The following ZFHX3 variants were observed in gnomAD, a reference collection of about 807,000 sequenced individuals.
ZFHX3 encodes the protein zinc finger homeobox protein 3.
In ZFHX3, 42 loss-of-function variants were observed where a neutral mutation model predicts 279.1. The ratio of observed to expected loss-of-function variants is 0.15; its 90% CI spans 0.12 to 0.19. The LOEUF (loss-of-function observed/expected upper bound fraction) is 0.19, where lower values mean the gene tolerates loss of function less well. Among genes scored for constraint, ZFHX3 ranks in the 10% least tolerant of loss-of-function variants. ZFHX3 has a pLI of 1.00. For missense variants in ZFHX3, 4,981 were observed against 4,754.0 expected, an observed-to-expected ratio of 1.05 and a Z score of -1.40; for synonymous variants, 2,293 against 1,957.8, an observed-to-expected ratio of 1.17 and a Z score of -4.52.
intron 1 of ZFHX3, among the ~76,000 whole-genome samples, chr16:73,731,373 C>A (rs2053568438): frequency 6.6e-6 from 1 of 151,972 alleles, no homozygotes; most frequent in South Asian, 2.1e-4. Context: ...CAAAGCCCTT[C>A]TTTATCTGGG....
rs2035434542 is a variant in ZFHX3, at chr16:72,787,340, A to G, written c.10936T>C (p.Cys3646Arg). Residue 3646 changes from cysteine (C) to arginine (R), a missense_variant, in exon 10 of 10, where the codon TGC becomes CGC. Around this residue, in one of 7 missense-constraint regions of ZFHX3, gnomAD observed 1,034 missense variants for 786.0 expected, o/e 1.32. Transcript: ENST00000268489. ...SSSSTVTSSS[C>R]STSGVQPSMP... ...GAGGGCTGAACCCCTGAGGTGCTGC[A>G]TGAACTTGAGGTAACCGTTGAAGAT... is the stretch of plus-strand genomic sequence containing the variant. 6.2e-7 allele frequency: 1 copy of G among 1,613,856 alleles called. No individual in the cohort carries two copies. Among genetic ancestry groups the G allele is most frequent in the Non-Finnish European group, 8.5e-7 (1 of 1,179,920 alleles).
intron 2 of ZFHX3, among the ~76,000 whole-genome samples, chr16:73,642,725 G>A (rs552640764): frequency 2.6e-5 from 4 of 152,262 alleles, no homozygotes; most frequent in African/African-American, 9.6e-5. Flanking sequence ...CCCTAGAACA[G>A]TACAGCCTGA....
Position 73,371,423 on chromosome 16 carries a change from T to G in ZFHX3, c.-1290-53087A>C, listed in dbSNP as rs916814509. Among the ~76,000 whole-genome samples, 2 of 151,516 alleles carry G rather than the reference T, an allele frequency of 1.3e-5. 1 individual carries two copies. Among genetic ancestry groups the G allele is most frequent in the South Asian group, 4.2e-4 (2 of 4,710 alleles). ...TTTTTGAGACAGAGTCTCGCCCTATTGCCCAGGCTGGAGTGCAGTGGCGCC... is the reference window on the plus strand; with the variant it reads ...TTTTTGAGACAGAGTCTCGCCCTATGGCCCAGGCTGGAGTGCAGTGGCGCC... On this transcript the variant is annotated intron_variant, in intron 3 of 17. Transcript: ENST00000641206.
At chr16:73,391,801 A>G (rs1316886159) in intron 3 of ZFHX3, among the ~76,000 whole-genome samples, 1 of 152,190 alleles carries the variant, frequency 6.6e-6, no homozygotes, top group Non-Finnish European at 1.5e-5. Context: ...AGAAGACAAA[A>G]TTAGTAGAAT....
At chr16:73,866,326 A>G (rs571974101) in intron 1 of ZFHX3, among the ~76,000 whole-genome samples, 1 of 151,790 alleles carries the variant, frequency 6.6e-6, no homozygotes, top group South Asian at 2.1e-4. Context: ...TTACAGGTGC[A>G]CGCCACCATG....
intron 5 of ZFHX3, among the ~76,000 whole-genome samples, chr16:73,144,631 T>C (rs1000094326): frequency 2.6e-5 from 4 of 152,130 alleles, no homozygotes; most frequent in African/African-American, 7.2e-5. Flanking sequence ...CCACGCTGTG[T>C]CCTACTCCAC....
chr16:73,582,405 T>C (rs2051871430), intron 2 of ZFHX3, among the ~76,000 whole-genome samples: 2 of 151,850 alleles, frequency 1.3e-5, no homozygotes, highest in African/African-American at 4.9e-5. Context: ...TGCTACATAC[T>C]TCTAACGTTC....
chr16:73,472,893 C>A (rs1475173052), intron 2 of ZFHX3, among the ~76,000 whole-genome samples: 2 of 152,140 alleles, frequency 1.3e-5, no homozygotes, highest in Non-Finnish European at 2.9e-5. Flanking sequence ...TGAGGGATTT[C>A]ATCATCTCTT....
chr16:73,656,398 T>C (rs74030156), intron 2 of ZFHX3, among the ~76,000 whole-genome samples: 3,447 of 152,326 alleles, frequency 0.023, 157 homozygotes, highest in African/African-American at 0.078. Context: ...CATTATATTG[T>C]TTAGGGATGC....
At chr16:73,183,473 G>A (rs559640988) in intron 5 of ZFHX3, among the ~76,000 whole-genome samples, 1 of 152,354 alleles carries the variant, frequency 6.6e-6, no homozygotes, top group East Asian at 1.9e-4. Flanking sequence ...ACTGTAAAGT[G>A]AGGTGGGTGT....
At chr16:73,425,054 T>A (rs1480040497) in intron 3 of ZFHX3, among the ~76,000 whole-genome samples, 2 of 152,184 alleles carry the variant, frequency 1.3e-5, no homozygotes, top group Non-Finnish European at 2.9e-5. Context: ...TTTCTGTCAC[T>A]GCCCTTTTCC....
chr16:72,816,073 G>C (rs552925197), intron 5 of ZFHX3, among the ~76,000 whole-genome samples: 42 of 152,278 alleles, frequency 2.8e-4, no homozygotes, highest in African/African-American at 8.7e-4. Flanking sequence ...TATGTAAAAA[G>C]TAGGTATTAG....
chr16:73,112,166 C>T (rs891003170), intron 7 of ZFHX3, among the ~76,000 whole-genome samples: 1 of 151,868 alleles, frequency 6.6e-6, no homozygotes, highest in Non-Finnish European at 1.5e-5. Context: ...TCCTGTCTGC[C>T]CATGGCACCT....
At chr16:72,840,535 C>T (rs1431691514) in intron 4 of ZFHX3, among the ~76,000 whole-genome samples, 2 of 152,194 alleles carry the variant, frequency 1.3e-5, no homozygotes, top group Non-Finnish European at 2.9e-5. Context: ...AAGAGGTAAA[C>T]ATTTTGTGTC....
rs780137736 is a variant in ZFHX3 at position 72,798,609 on chromosome 16, G to A, written c.4073C>T (p.Ser1358Leu). The A allele has an allele frequency of 6.2e-7, 1 of 1,614,104 alleles. No homozygotes were observed. The highest frequency in any genetic ancestry group is 1.1e-5 in the South Asian group (1 of 91,078). ...PADPGSVREDSGFICWKKGCN... is the reference protein window; with the variant it reads ...PADPGSVREDLGFICWKKGCN... ...CCCCTTCTTCCAGCAGATGAAGCCT[G>A]AGTCTTCTCTCACAGAGCCTGGGTC... Residue 1358 changes from serine (S) to leucine (L), a missense_variant, in exon 9 of 10, where the codon TCA becomes TTA. Ser to Leu is a moderately radical substitution (Grantham distance 145). Transcript: ENST00000268489.
chr16:73,872,538 A>T (rs2029864977), intron 1 of ZFHX3, among the ~76,000 whole-genome samples: 1 of 151,704 alleles, frequency 6.6e-6, no homozygotes, highest in South Asian at 2.1e-4. Flanking sequence ...AGGCCAGGTG[A>T]TCCTTTCTTA....
intron 2 of ZFHX3, among the ~76,000 whole-genome samples, chr16:73,643,531 A>T (rs1429955104): frequency 6.6e-6 from 1 of 152,244 alleles, no homozygotes; most frequent in African/African-American, 2.4e-5. Context: ...TTTGCAGTCA[A>T]TGACATCTTG....
chr16:73,197,969 GCT>G (rs1458206899), intron 5 of ZFHX3, among the ~76,000 whole-genome samples: 15 of 103,766 alleles, frequency 1.4e-4, no homozygotes, highest in Non-Finnish European at 2.1e-4. Context: ...ATGGAGTATT[GCT>G]CTGTCGCCAA....
intron 5 of ZFHX3, among the ~76,000 whole-genome samples, chr16:73,206,930 A>G (rs2011828063): frequency 6.6e-6 from 1 of 152,000 alleles, no homozygotes; most frequent in African/African-American, 2.4e-5. Context: ...AGGTGGGAGA[A>G]TCACTTGAAC....
Sources: gnomAD v4.1 joint callset for allele counts (sites outside exome capture counted in the v4.1 genomes callset) on GRCh38, gnomAD v4.1.1 for gene constraint, gnomAD v4.1.1 regional missense constraint, MANE v1.5 for transcripts, NCBI Gene and HGNC (gene_info 2026-07-23, HGNC 2026-07-21) for gene names.